B3GALT1: variants seen among roughly 807,000 people sequenced by gnomAD.
B3GALT1 encodes UDP-Gal:betaGlcNAc beta 1,3-galactosyltransferase, polypeptide 1.
Under a neutral mutation model 23.2 loss-of-function variants are expected in B3GALT1, and 10 were observed. The observed-to-expected ratio is 0.43, with a 90% confidence interval of 0.27 to 0.73. B3GALT1 has a LOEUF of 0.73. Ranked by LOEUF, B3GALT1 falls within the 30% of genes least tolerant of loss-of-function variation. B3GALT1 has a pLI of 0.21. For missense variants in B3GALT1, 299 were observed against 405.4 expected (o/e 0.74, Z 2.25); for synonymous variants, 156 against 141.5 (o/e 1.10, Z -0.73).
intron 3 of B3GALT1, among the ~76,000 whole-genome samples, chr2:167,680,726 A>G (rs889105486): frequency 1.3e-5 from 2 of 152,326 alleles, no homozygotes; most frequent in Admixed American, 6.5e-5. Context: ...TAGCACTAGA[A>G]TGAGGACTTG....
At chr2:167,770,379 A>G (rs1316883611) in intron 3 of B3GALT1, among the ~76,000 whole-genome samples, 2 of 152,230 alleles carry the variant, frequency 1.3e-5, no homozygotes, top group Non-Finnish European at 2.9e-5. Context: ...CTTAAAGACT[A>G]ATGAAATTGG....
At chr2:167,519,933 CT>C (rs1021535511) in intron 2 of B3GALT1, among the ~76,000 whole-genome samples, 1 of 151,700 alleles carries the variant, frequency 6.6e-6, no homozygotes, top group Non-Finnish European at 1.5e-5. Context: ...TTAGCCAGGC[CT>C]GGTGGTGGGC....
intron 2 of B3GALT1, among the ~76,000 whole-genome samples, chr2:167,494,230 GAATA>G (rs1362067871): frequency 5.3e-5 from 8 of 151,544 alleles, no homozygotes; most frequent in African/African-American, 1.7e-4. Context: ...TTTTAAAATA[GAATA>G]AATATTTAAT....
At chr2:167,690,421 A>C (rs547088674) in intron 3 of B3GALT1, among the ~76,000 whole-genome samples, 1 of 152,194 alleles carries the variant, frequency 6.6e-6, no homozygotes, top group South Asian at 2.1e-4. Context: ...TTTAAAAAGA[A>C]AGTGAAGTAA....
At chr2:167,407,162 CA>C (rs1319557862) in intron 1 of B3GALT1, among the ~76,000 whole-genome samples, 1 of 151,958 alleles carries the variant, frequency 6.6e-6, no homozygotes, top group African/African-American at 2.4e-5. Context: ...CACAGTAGAA[CA>C]AAACTAGAAA....
chr2:167,529,232 A>G (rs923523942), intron 2 of B3GALT1, among the ~76,000 whole-genome samples: 1 of 152,050 alleles, frequency 6.6e-6, no homozygotes, highest in African/African-American at 2.4e-5. Flanking sequence ...AATTTTTATT[A>G]CTGGCTTCTC....
chr2:167,364,339 G>A (rs57982523), intron 1 of B3GALT1, among the ~76,000 whole-genome samples: 107,951 of 146,278 alleles, frequency 0.74, 41,067 homozygotes, highest in Non-Finnish European at 0.85. Context: ...TATATATATA[G>A]TTTTTTTTTT....
intron 3 of B3GALT1, among the ~76,000 whole-genome samples, chr2:167,812,037 A>G (rs964402381): frequency 2.6e-5 from 4 of 152,228 alleles, no homozygotes; most frequent in Non-Finnish European, 4.4e-5. Context: ...AACAATATCC[A>G]TTTCTAAAAA....
intron 3 of B3GALT1, among the ~76,000 whole-genome samples, chr2:167,792,894 G>A (rs1277883520): frequency 4.0e-5 from 6 of 149,322 alleles, no homozygotes; most frequent in African/African-American, 1.5e-4. Context: ...GAGGTCAAAT[G>A]GATAGGATTG....
chr2:167,562,475 G>T (rs1302508717), intron 2 of B3GALT1, among the ~76,000 whole-genome samples: 1 of 151,990 alleles, frequency 6.6e-6, no homozygotes, highest in Non-Finnish European at 1.5e-5. Context: ...GGCAGGAGAA[G>T]GAAATAAAGG....
intron 1 of B3GALT1, among the ~76,000 whole-genome samples, chr2:167,475,731 A>C (rs1165004112): frequency 6.6e-6 from 1 of 152,120 alleles, no homozygotes; most frequent in African/African-American, 2.4e-5. Context: ...CTACCATACC[A>C]CATACTGGCG....
At chr2:167,644,493 AT>A (rs1685708871) in intron 2 of B3GALT1, among the ~76,000 whole-genome samples, 1 of 152,092 alleles carries the variant, frequency 6.6e-6, no homozygotes, top group African/African-American at 2.4e-5. Flanking sequence ...CTTAAAAAAC[AT>A]TTTACGCAGG....
chr2:167,853,340 T>C lies in B3GALT1; in HGVS notation c.-229-15471T>C, dbSNP rs1574302328. ...ATGTCTCTCCCCCACAATCAATTTT[T>C]CTCCTATTGAGAGTTCTCTATTTTT... On this transcript the variant is annotated intron_variant, in intron 4 of 4. Transcript: ENST00000392690. 3.9e-5 allele frequency among the ~76,000 whole-genome samples: 6 copies of C among 152,264 alleles called. No individual in the cohort carries two copies. The East Asian group carries it at 1.2e-3, about 29-fold the overall frequency.
intron 4 of B3GALT1, among the ~76,000 whole-genome samples, chr2:167,843,394 C>A (rs1349503043): frequency 1.3e-5 from 2 of 152,146 alleles, no homozygotes; most frequent in Non-Finnish European, 2.9e-5. Context: ...TGACCAGATG[C>A]CCAGAAGGAC....
intron 4 of B3GALT1, among the ~76,000 whole-genome samples, chr2:167,824,595 A>G (rs1444802395): frequency 1.3e-5 from 2 of 152,168 alleles, no homozygotes; most frequent in Non-Finnish European, 2.9e-5. Context: ...TCCAGGGCTC[A>G]TGGCTTGATC....
chr2:167,547,151 G>A (rs186387362), intron 2 of B3GALT1, among the ~76,000 whole-genome samples: 3 of 152,280 alleles, frequency 2.0e-5, no homozygotes, highest in Admixed American at 1.3e-4. Context: ...AGCAGACGCT[G>A]TACTGCTGCT....
At chr2:167,577,949 A>G (rs1474708090) in intron 2 of B3GALT1, among the ~76,000 whole-genome samples, 2 of 151,944 alleles carry the variant, frequency 1.3e-5, no homozygotes, top group African/African-American at 4.8e-5. Flanking sequence ...TTAGACACTT[A>G]ACTTGTCAAG....
intron 1 of B3GALT1, among the ~76,000 whole-genome samples, chr2:167,389,300 C>T (rs1485218363): frequency 6.6e-6 from 1 of 152,154 alleles, no homozygotes; most frequent in African/African-American, 2.4e-5. Flanking sequence ...GATGCATAGA[C>T]ATCAGTAGGT....
chr2:167,629,204 C>G (rs896002957), intron 2 of B3GALT1, among the ~76,000 whole-genome samples: 1 of 151,566 alleles, frequency 6.6e-6, no homozygotes, highest in Admixed American at 6.6e-5. Context: ...AAGAGAAAAT[C>G]GGTGATCTCG....
Sources: allele counts gnomAD v4.1 joint callset (sites outside exome capture counted in the v4.1 genomes callset), GRCh38; gene constraint gnomAD v4.1.1; transcripts MANE v1.5; gene names NCBI Gene and HGNC (gene_info 2026-07-23, HGNC 2026-07-21).